The following TPTE2 variants were observed in gnomAD, a reference collection of about 807,000 sequenced individuals.
TPTE2 encodes the protein transmembrane phosphoinositide 3-phosphatase and tensin homolog 2, also known as phosphatidylinositol 3,4,5-trisphosphate 3-phosphatase TPTE2.
TPTE2 carries 53 observed loss-of-function variants against 78.6 expected under a neutral mutation model. That is an observed-to-expected ratio of 0.67 (90% CI 0.54 to 0.85). The LOEUF (loss-of-function observed/expected upper bound fraction) is 0.85, where lower values mean the gene tolerates loss of function less well. Among genes scored for constraint, TPTE2 ranks in the 40% least tolerant of loss-of-function variants. TPTE2 has a pLI of 0.00. For missense variants in TPTE2, 461 were observed against 623.0 expected (o/e 0.74, Z 2.77); for synonymous variants, 175 against 206.2 (o/e 0.85, Z 1.30).
At chr13:19,472,217 AG>A in intron 6 of TPTE2, among the ~76,000 whole-genome samples, 1 of 152,158 alleles carries the variant, frequency 6.6e-6, no homozygotes, top group South Asian at 2.1e-4. Flanking sequence ...ATCTTTCTGT[AG>A]GTTTGGGACG....
intron 1 of TPTE2, among the ~76,000 whole-genome samples, chr13:19,519,125 G>A (rs1245327158): frequency 2.0e-5 from 3 of 152,116 alleles, no homozygotes; most frequent in Non-Finnish European, 2.9e-5. Context: ...AAAGGGAAAA[G>A]CAACCATTTC....
intron 5 of TPTE2, 35 bp downstream of exon 8, chr13:19,475,538 T>A (rs1879885575): frequency 6.2e-7 from 1 of 1,600,752 alleles, no homozygotes; most frequent in African/African-American, 1.3e-5. Context: ...GTCTCAGATA[T>A]ATTTAATACA....
At chr13:19,495,193 G>A (rs113282081) in intron 1 of TPTE2, among the ~76,000 whole-genome samples, 5,723 of 142,032 alleles carry the variant, frequency 0.04, 389 homozygotes, top group African/African-American at 0.13. Flanking sequence ...CAAAAGTTGC[G>A]GCCAAGTAGC....
intron 17 of TPTE2, among the ~76,000 whole-genome samples, chr13:19,428,073 G>A (rs1357530851): frequency 3.9e-5 from 6 of 152,202 alleles, no homozygotes; most frequent in African/African-American, 1.4e-4. Context: ...GCATGAAGCA[G>A]TTTAGATAAA....
At position 19,479,065 on chromosome 13, in the gene TPTE2, G is replaced by A. The variant is rs1359669845; in HGVS notation, c.179+3423C>T. Reference sequence around the variant, plus strand: ...AGGAGATACACCTAATGTAAATGACGAATTAATGGGTACAGCACACCAACA... The same window carrying A: ...AGGAGATACACCTAATGTAAATGACAAATTAATGGGTACAGCACACCAACA... On this transcript the variant is annotated intron_variant, in intron 4 of 19. Coordinates refer to ENST00000400230, the Ensembl canonical transcript of TPTE2. 3.9e-5 allele frequency among the ~76,000 whole-genome samples: 6 copies of A among 152,070 alleles called. No homozygotes were observed. In the East Asian group the frequency reaches 7.7e-4, roughly 20 times the overall value.
chr13:19,426,103 T>A (rs567978220), intron 18 of TPTE2, among the ~76,000 whole-genome samples: 143 of 144,228 alleles, frequency 9.9e-4, no homozygotes, highest in Non-Finnish European at 1.7e-3. Flanking sequence ...AATGTAATCA[T>A]TGCTATGCAG....
intron 3 of TPTE2, among the ~76,000 whole-genome samples, chr13:19,491,081 A>G (rs536555895): frequency 6.6e-6 from 1 of 152,252 alleles, no homozygotes; most frequent in African/African-American, 2.4e-5. Context: ...TGTCTAAAAC[A>G]CTCTGTATTG....
intron 1 of TPTE2, among the ~76,000 whole-genome samples, chr13:19,518,768 A>G (rs1026372854): frequency 6.6e-6 from 1 of 152,198 alleles, no homozygotes; most frequent in Non-Finnish European, 1.5e-5. Context: ...CCATCTTCAC[A>G]ACGGAAAAAA....
At chr13:19,480,350 GAAA>G (rs1167306059) in intron 4 of TPTE2, among the ~76,000 whole-genome samples, 1 of 152,132 alleles carries the variant, frequency 6.6e-6, no homozygotes, top group Non-Finnish European at 1.5e-5. Flanking sequence ...TCACTTAGGA[GAAA>G]AGTAAATTTC....
At chr13:19,553,986 C>T in the TPTE2 span, among the ~76,000 whole-genome samples, 1 of 152,178 alleles carries the variant, frequency 6.6e-6, no homozygotes, top group African/African-American at 2.4e-5. Context: ...ATATCTATCC[C>T]TTGGCTACCT....
At chr13:19,541,682 C>CT (rs938948070), upstream of TPTE2, among the ~76,000 whole-genome samples, 1 of 152,082 alleles carries the variant, frequency 6.6e-6, no homozygotes, top group Non-Finnish European at 1.5e-5. Context: ...GTTTACCAAA[C>CT]TTTTTTTTCT....
intron 1 of TPTE2, among the ~76,000 whole-genome samples, chr13:19,500,790 G>C (rs1246263482): frequency 6.7e-6 from 1 of 148,426 alleles, no homozygotes; most frequent in Non-Finnish European, 1.5e-5. Context: ...AGTGTTGGAA[G>C]TTCTGGCCAG....
upstream of TPTE2, among the ~76,000 whole-genome samples, chr13:19,506,925 G>T (rs1791728917): frequency 6.6e-6 from 1 of 152,168 alleles, no homozygotes; most frequent in African/African-American, 2.4e-5. Context: ...AGTCAACTCA[G>T]CTAGGAAGAA....
At chr13:19,518,985 G>C (rs1274537147) in intron 1 of TPTE2, among the ~76,000 whole-genome samples, 5 of 152,118 alleles carry the variant, frequency 3.3e-5, no homozygotes, top group Admixed American at 6.6e-5. Context: ...GGACTAGCTT[G>C]AAAGTTAAAA....
chr13:19,552,808 A>C, the TPTE2 span: 2 of 221,984 alleles, frequency 9.0e-6, no homozygotes, highest in Non-Finnish European at 1.6e-5. Flanking sequence ...TGTATTTTTC[A>C]GACCTTGACA....
chr13:19,506,266 G>A (rs867190611), upstream of TPTE2, among the ~76,000 whole-genome samples: 139 of 126,028 alleles, frequency 1.1e-3, no homozygotes, highest in African/African-American at 4.0e-3. Context: ...CCACCTCCCA[G>A]GTTCACGCCA....
intron 3 of TPTE2, among the ~76,000 whole-genome samples, chr13:19,488,715 T>C (rs116365103): frequency 0.025 from 3,862 of 152,324 alleles, 129 homozygotes; most frequent in African/African-American, 0.074. Context: ...GCTGGTTTGA[T>C]CATTTATCCA....
chr13:19,500,179 G>A (rs4769655), intron 1 of TPTE2, among the ~76,000 whole-genome samples: 109,634 of 149,730 alleles, frequency 0.73, 42,925 homozygotes, highest in East Asian at 0.96. Flanking sequence ...ACCAAAAAGA[G>A]TCCAGGACCA....
intron 9 of TPTE2, 120 bp from the exon 13 acceptor site, chr13:19,464,640 T>C (rs1442755637): frequency 1.8e-6 from 2 of 1,084,118 alleles, no homozygotes; most frequent in African/African-American, 3.2e-5. Context: ...AAAATTGAGG[T>C]TGACAGAAAA....
Sources: allele counts gnomAD v4.1 joint callset (sites outside exome capture counted in the v4.1 genomes callset), GRCh38; gene constraint gnomAD v4.1.1; transcripts MANE v1.5; gene names NCBI Gene and HGNC (gene_info 2026-07-23, HGNC 2026-07-21).